IMMP2L: variants seen among roughly 807,000 people sequenced by gnomAD.
IMMP2L encodes inner mitochondrial membrane peptidase subunit 2.
Under a neutral mutation model 19.3 loss-of-function variants are expected in IMMP2L, and 18 were observed. The ratio of observed to expected loss-of-function variants is 0.93; its 90% CI spans 0.64 to 1.38. IMMP2L has a LOEUF of 1.38. Ranked by LOEUF, IMMP2L falls within the 40% of genes most tolerant of loss-of-function variation. The pLI, the probability that IMMP2L is intolerant of heterozygous loss-of-function variation, is 0.00. For synonymous variants in IMMP2L, 76 were observed against 73.0 expected (o/e 1.04, Z -0.21); for missense variants, 233 against 218.2 (o/e 1.07, Z -0.43).
rs556260751 is a variant in IMMP2L at position 111,441,847 on chromosome 7, T to C, written c.239+45391A>G. ...ACAGTGTAAAACTCACATGAAAAGC[T>C]CTGCAAGTAGTCCGGGCACTGTGGC... is the stretch of plus-strand genomic sequence containing the variant. On this transcript the variant is annotated intron_variant, in intron 3 of 5. Coordinates refer to ENST00000405709, the MANE Select transcript of IMMP2L (RefSeq NM_032549.4). Among the ~76,000 whole-genome samples the C allele has an allele frequency of 2.0e-5, 3 of 151,724 alleles. No individual in the cohort carries two copies. The South Asian group carries it at 6.2e-4, about 31-fold the overall frequency.
intron 2 of IMMP2L, among the ~76,000 whole-genome samples, chr7:111,507,436 C>T (rs1210947689): frequency 3.9e-5 from 6 of 152,106 alleles, no homozygotes; most frequent in Non-Finnish European, 7.4e-5. Context: ...TTTTCAAGTT[C>T]TTACAGTTCA....
At chr7:111,154,812 C>G (rs1052039828) in intron 3 of IMMP2L, among the ~76,000 whole-genome samples, 2 of 152,130 alleles carry the variant, frequency 1.3e-5, no homozygotes, top group Non-Finnish European at 2.9e-5. Context: ...AGCCGGAGTA[C>G]AGTGGTGTGA....
chr7:111,206,067 T>C (rs1034557547), intron 3 of IMMP2L, among the ~76,000 whole-genome samples: 1 of 152,190 alleles, frequency 6.6e-6, no homozygotes, highest in African/African-American at 2.4e-5. Flanking sequence ...ATCCCAATGA[T>C]ACCAAATCTG....
chr7:111,396,312 G>A (rs539938282), intron 3 of IMMP2L, among the ~76,000 whole-genome samples: 8 of 152,178 alleles, frequency 5.3e-5, no homozygotes, highest in African/African-American at 1.4e-4. Context: ...TATATACCAC[G>A]GAATACTATG....
At position 111,327,786 on chromosome 7, in the gene IMMP2L, A is replaced by G. The variant is rs564349341; in HGVS notation, c.239+159452T>C. Among the ~76,000 whole-genome samples the G allele has an allele frequency of 7.3e-5, 11 of 151,718 alleles. No individual in the cohort carries two copies. The Middle Eastern group carries it at 0.01, about 142-fold the overall frequency. Reference sequence around the variant, plus strand: ...GAAGTAGAAAGAAAGAGAGCCATAAATTGCTTAAGGTCAGAAATGCAAGCT... The same window carrying G: ...GAAGTAGAAAGAAAGAGAGCCATAAGTTGCTTAAGGTCAGAAATGCAAGCT... On this transcript the variant is annotated intron_variant, in intron 3 of 5. Transcript: ENST00000405709.
chr7:110,884,469 CA>C (rs1338036038), intron 5 of IMMP2L, among the ~76,000 whole-genome samples: 1 of 151,990 alleles, frequency 6.6e-6, no homozygotes, highest in East Asian at 1.9e-4. Context: ...AGATATTTAT[CA>C]CACTAGAAAT....
intron 3 of IMMP2L, among the ~76,000 whole-genome samples, chr7:111,205,240 T>G (rs1398252006): frequency 1.3e-5 from 2 of 152,192 alleles, no homozygotes; most frequent in Non-Finnish European, 1.5e-5. Flanking sequence ...GCTCTAGCCT[T>G]ATGACTTAAT....
Position 111,388,667 on chromosome 7 carries a change from G to A in IMMP2L, c.239+98571C>T, listed in dbSNP as rs182445949. Among the ~76,000 whole-genome samples, 77 of 152,022 alleles carry A rather than the reference G, an allele frequency of 5.1e-4. 1 individual carries two copies. The highest frequency in any genetic ancestry group is 1.0e-3 in the South Asian group (5 of 4,808). On this transcript the variant is annotated intron_variant, in intron 3 of 5. Coordinates refer to ENST00000405709, the MANE Select transcript of IMMP2L (RefSeq NM_032549.4). ...CGAAAAGTACTTCTTACATGGCAGT[G>A]GCAAGAGAAAAATGAGGAGGAAGCA...
At chr7:110,925,123 G>T (rs1404215906) in intron 4 of IMMP2L, among the ~76,000 whole-genome samples, 1 of 152,118 alleles carries the variant, frequency 6.6e-6, no homozygotes, top group African/African-American at 2.4e-5. Context: ...AAAACAGAGA[G>T]ACCAAGGAAG....
chr7:110,786,867 A>C (rs1005463818), intron 5 of IMMP2L, among the ~76,000 whole-genome samples: 2 of 152,038 alleles, frequency 1.3e-5, no homozygotes, highest in Admixed American at 6.6e-5. Flanking sequence ...TTTCTCCATA[A>C]CACTGAAAGC....
chr7:111,125,970 G>A (rs1020916898), intron 3 of IMMP2L, among the ~76,000 whole-genome samples: 11 of 151,880 alleles, frequency 7.2e-5, no homozygotes, highest in Non-Finnish European at 8.8e-5. Flanking sequence ...TTACAGGCAG[G>A]TGACTACATC....
At chr7:111,505,561 G>A (rs1413350550) in intron 2 of IMMP2L, among the ~76,000 whole-genome samples, 2 of 152,070 alleles carry the variant, frequency 1.3e-5, no homozygotes, top group Non-Finnish European at 2.9e-5. Context: ...CAAAGACTTG[G>A]AACCAACCCA....
chr7:111,283,648 G>C (rs1820146507), intron 3 of IMMP2L, among the ~76,000 whole-genome samples: 2 of 152,102 alleles, frequency 1.3e-5, no homozygotes. Flanking sequence ...GCTTTACTTT[G>C]GGTAACAAGA....
chr7:111,305,550 C>T (rs1292852725), intron 3 of IMMP2L, among the ~76,000 whole-genome samples: 5 of 151,896 alleles, frequency 3.3e-5, no homozygotes, highest in African/African-American at 1.2e-4. Context: ...TCTCAGCTCA[C>T]TGCAACCTCC....
At chr7:110,928,351 G>GCACA (rs58639346) in intron 4 of IMMP2L, among the ~76,000 whole-genome samples, 2,173 of 117,060 alleles carry the variant, frequency 0.019, 30 homozygotes, top group Non-Finnish European at 0.024. Context: ...ATATGTACCT[G>GCACA]CACACACACA....
intron 3 of IMMP2L, among the ~76,000 whole-genome samples, chr7:111,215,391 C>T (rs1025216730): frequency 6.6e-6 from 1 of 152,130 alleles, no homozygotes; most frequent in African/African-American, 2.4e-5. Context: ...AGCTTCTGCA[C>T]AGTTAATACA....
intron 3 of IMMP2L, among the ~76,000 whole-genome samples, chr7:111,029,334 C>G (rs1362539991): frequency 6.6e-6 from 1 of 152,154 alleles, no homozygotes; most frequent in Non-Finnish European, 1.5e-5. Flanking sequence ...AATATCTTCA[C>G]ACTTTTCAAA....
At chr7:110,853,306 CAT>C (rs1806433305) in intron 5 of IMMP2L, among the ~76,000 whole-genome samples, 1 of 151,874 alleles carries the variant, frequency 6.6e-6, no homozygotes, top group African/African-American at 2.4e-5. Context: ...TAAACAAAGA[CAT>C]GTATTAGTTT....
chr7:110,929,261 T>C (rs954404429), intron 4 of IMMP2L, among the ~76,000 whole-genome samples: 11 of 152,176 alleles, frequency 7.2e-5, no homozygotes, highest in Non-Finnish European at 1.3e-4. Context: ...GTTTCTTGTA[T>C]CTGTAGAATG....
Sources: allele counts gnomAD v4.1 joint callset (sites outside exome capture counted in the v4.1 genomes callset), GRCh38; gene constraint gnomAD v4.1.1; transcripts MANE v1.5; gene names NCBI Gene and HGNC (gene_info 2026-07-23, HGNC 2026-07-21).